The following RS1 variants were observed in gnomAD, a reference collection of about 807,000 sequenced individuals.
RS1 encodes the protein retinoschisin.
RS1 carries 2 observed loss-of-function variants against 20.8 expected under a neutral mutation model. The observed-to-expected ratio is 0.10, with a 90% confidence interval of 0.04 to 0.30. RS1 has a LOEUF of 0.30. Ranked by LOEUF, RS1 falls within the 10% of genes least tolerant of loss-of-function variation. RS1 has a pLI of 1.00. For missense variants in RS1, 151 were observed against 189.8 expected (o/e 0.80, Z 1.20); for synonymous variants, 70 against 75.8 (o/e 0.92, Z 0.40).
At chrX:18,670,960 T>TC (rs1177794978) in intron 1 of RS1, among the ~76,000 whole-genome samples, 1 of 111,871 alleles carries the variant, frequency 8.9e-6, no homozygotes, top group Non-Finnish European at 1.9e-5. Context: ...ACAAAAGTCA[T>TC]CAGCCTGGGA....
Position 18,657,649 on chromosome X carries a change from C to T in RS1, c.69G>A (p.Ser23=), listed in dbSNP as rs768728087. ...LFGYEATLGL[S]STEDEGEDPW... is the part of the protein sequence containing the mutation. ...TCTTACTGTTACATACCTCGGTAGA[C>T]GATAATCCCAATGTGGCTAAAGCAA... The change falls in exon 2 of 6, where the codon TCG becomes TCA. Residue 23 remains serine (S), a synonymous_variant. Coordinates refer to ENST00000379984, the MANE Select transcript of RS1 (RefSeq NM_000330.4). The T allele has an allele frequency of 1.0e-5, 12 of 1,199,727 alleles. No individual in the cohort carries two copies. In the East Asian group the frequency reaches 1.5e-4, roughly 15 times the overall value.
intron 1 of RS1, among the ~76,000 whole-genome samples, chrX:18,657,940 G>A: frequency 9.0e-6 from 1 of 111,587 alleles, no homozygotes; most frequent in Non-Finnish European, 1.9e-5. Flanking sequence ...GGAGGCCGAG[G>A]CGGGCCTAAC....
At chrX:18,652,632 G>A (rs1283242669) in intron 3 of RS1, among the ~76,000 whole-genome samples, 2 of 110,077 alleles carry the variant, frequency 1.8e-5, no homozygotes, top group African/African-American at 6.7e-5. Context: ...TCGTGCCACT[G>A]CACTCCAGCT....
Position 18,641,930 on chromosome X carries a change from T to G in RS1, c.*74A>C. ...CGAAATATAGCCCTGTCCATCTCGG[T>G]GGTGTGTGAGGGGGTCCCCTACGGC... On this transcript the variant is annotated 3_prime_UTR_variant, in exon 6 of 6. Coordinates refer to ENST00000379984, the MANE Select transcript of RS1 (RefSeq NM_000330.4). 2 of 1,069,843 alleles carry G rather than the reference T, an allele frequency of 1.9e-6. No individual in the cohort carries two copies. Among genetic ancestry groups the G allele is most frequent in the Non-Finnish European group, 1.3e-6 (1 of 773,543 alleles). The allele number at this position is 1,069,843 out of a possible 1,213,427, so 88.2% of individuals were successfully genotyped here.
chrX:18,652,643 TG>T lies in RS1; in HGVS notation c.184+4009del, dbSNP rs746279522. Among the ~76,000 whole-genome samples, 4 of 107,712 alleles carry T rather than the reference TG, an allele frequency of 3.7e-5. No individual in the cohort carries two copies. In the East Asian group the frequency reaches 1.2e-3, roughly 31 times the overall value. The allele number at this position is 107,712 out of a possible 115,157, so 93.5% of individuals were successfully genotyped here. A position where few individuals can be genotyped will look rare whatever the true frequency, so the allele number is the denominator to read the frequency against. The stretch of plus-strand genomic sequence containing the variant: ...AAGATCGTGCCACTGCACTCCAGCT[TG>T]GGCAACAGAGCCAGACTACATTTCA... On this transcript the variant is annotated intron_variant, in intron 3 of 5. Transcript: ENST00000379984.
intron 3 of RS1, among the ~76,000 whole-genome samples, chrX:18,656,353 G>A (rs1388843594): frequency 9.0e-6 from 1 of 111,726 alleles, no homozygotes; most frequent in Non-Finnish European, 1.9e-5. Context: ...AGATCCCATC[G>A]TACTATCCCA....
At chrX:18,644,381 A>G (rs1280641670) in intron 5 of RS1, 49 bp downstream of exon 5, 4 of 1,129,060 alleles carry the variant, frequency 3.5e-6, no homozygotes, top group East Asian at 3.0e-5. Context: ...CAGGAGGGGA[A>G]GTCCCAGAGG....
chrX:18,653,476 C>G (rs1928136258), intron 3 of RS1: 2 of 1,211,629 alleles, frequency 1.7e-6, no homozygotes, highest in Non-Finnish European at 1.1e-6. Context: ...AGCCCTGATT[C>G]ACAGGGCCCA....
chrX:18,649,195 A>G (rs1927924078), intron 3 of RS1, among the ~76,000 whole-genome samples: 1 of 111,258 alleles, frequency 9.0e-6, no homozygotes, highest in African/African-American at 3.3e-5. Context: ...AACCAAACCC[A>G]GTTCCTAACT....
intron 1 of RS1, among the ~76,000 whole-genome samples, chrX:18,668,079 T>C (rs1928433278): frequency 8.9e-6 from 1 of 112,133 alleles, no homozygotes. Flanking sequence ...AATAGCATTG[T>C]TGGAAGGGGA....
chrX:18,645,856 C>A, intron 4 of RS1: 1 of 805,072 alleles, frequency 1.2e-6, no homozygotes, highest in Non-Finnish European at 1.8e-6. Flanking sequence ...GCTAAGATGG[C>A]ATTTCCTAGT....
At chrX:18,658,880 T>A (rs1057239606) in intron 1 of RS1, among the ~76,000 whole-genome samples, 8 of 111,495 alleles carry the variant, frequency 7.2e-5, no homozygotes, top group Admixed American at 2.9e-4. Flanking sequence ...TGTGCCACAA[T>A]TAGATGATTT....
At chrX:18,654,507 C>T (rs1429923211) in intron 3 of RS1, among the ~76,000 whole-genome samples, 1 of 112,330 alleles carries the variant, frequency 8.9e-6, no homozygotes, top group Non-Finnish European at 1.9e-5. Context: ...CATTCGTTAC[C>T]ACTGAATGGT....
chrX:18,656,622 C>T (rs751415402), intron 3 of RS1, 31 bp downstream of exon 3: 2 of 1,088,385 alleles, frequency 1.8e-6, no homozygotes, highest in Admixed American at 4.4e-5. Context: ...TTCCCAATGA[C>T]TGTTCCATCC....
chrX:18,653,455 G>A lies in RS1; in HGVS notation c.184+3198C>T, dbSNP rs987192406. ...AGGGTTCTCTTTCTTCGTGAGACAC[G>A]TTATGAGGGAAGCCCTGATTCACAG... is the stretch of plus-strand genomic sequence containing the variant. On this transcript the variant is annotated intron_variant, in intron 3 of 5. Coordinates refer to ENST00000379984, the MANE Select transcript of RS1 (RefSeq NM_000330.4). The A allele has an allele frequency of 6.4e-5, 77 of 1,209,577 alleles. No homozygotes were observed. Among genetic ancestry groups the A allele is most frequent in the Non-Finnish European group, 7.7e-5 (69 of 895,212 alleles).
At chrX:18,661,176 T>C (rs1056198104) in intron 1 of RS1, among the ~76,000 whole-genome samples, 1 of 111,933 alleles carries the variant, frequency 8.9e-6, no homozygotes, top group African/African-American at 3.2e-5. Flanking sequence ...ATGTGGGGCC[T>C]TTGGGAGGTG....
Position 18,656,657 on chromosome X carries a change from T to C in RS1, c.180A>G (p.Ile60Met). The C allele has an allele frequency of 8.4e-7, 1 of 1,194,443 alleles. No individual in the cohort carries two copies. Among genetic ancestry groups the C allele is most frequent in the Non-Finnish European group, 1.1e-6 (1 of 879,805 alleles). Residue 60 changes from isoleucine to methionine, a missense_variant, in exon 3 of 6, where the codon ATA becomes ATG. Transcript: ENST00000379984. ...CCAAGGACAGGGGATACTCACCTGG[T>C]ATACAGTCCAAGGAGGTGGCACCTG... ...WSAGATSLDC[I>M]PECPYHKPLG... is the part of the protein sequence containing the mutation.
intron 3 of RS1, 127 bp from the exon 4 acceptor site, chrX:18,647,459 G>C: frequency 2.9e-6 from 2 of 690,776 alleles, no homozygotes; most frequent in South Asian, 4.7e-5. Flanking sequence ...ACCTGTCTCT[G>C]TGGTTCACAA....
intron 3 of RS1, chrX:18,653,350 G>A: frequency 8.5e-7 from 1 of 1,174,837 alleles, no homozygotes; most frequent in Admixed American, 2.4e-5. Flanking sequence ...TGCTCCGTGG[G>A]GGGCCCGGGC....
Sources: gnomAD v4.1 joint callset for allele counts (sites outside exome capture counted in the v4.1 genomes callset) on GRCh38, gnomAD v4.1.1 for gene constraint, MANE v1.5 for transcripts, NCBI Gene and HGNC (gene_info 2026-07-23, HGNC 2026-07-21) for gene names.